Variants in MYLK2 observed in about 807,000 individuals in gnomAD.
MYLK2 encodes the protein myosin light chain kinase 2.
Under a neutral mutation model 58.2 loss-of-function variants are expected in MYLK2, and 27 were observed. The observed-to-expected ratio is 0.46, with a 90% CI of 0.34 to 0.64. MYLK2 has a LOEUF of 0.64. MYLK2 is among the 30% of genes least tolerant of loss of function. MYLK2 has a pLI of 0.01. For synonymous variants in MYLK2, 310 were observed against 296.7 expected, an observed-to-expected ratio of 1.04 and a Z score of -0.46; for missense variants, 676 against 764.3, an observed-to-expected ratio of 0.88 and a Z score of 1.36.
At position 31,824,212 on chromosome 20, in the gene MYLK2, C is replaced by A. The variant is rs371731992; in HGVS notation, c.879-47C>A. The stretch of plus-strand genomic sequence containing the variant: ...ATCAGAGCAAAGGATGCCACTGACC[C>A]CGGTGGGCTCTGGGGTCCCCTCACT... On this transcript the variant is annotated intron_variant, in intron 5 of 12. Coordinates refer to ENST00000375985, the MANE Select transcript of MYLK2 (RefSeq NM_033118.4). 31 of 1,594,110 alleles carry A rather than the reference C, an allele frequency of 1.9e-5. No individual in the cohort carries two copies. In the African/African-American group the frequency reaches 4.0e-4, roughly 21 times the overall value.
chr20:31,819,681 T>G (rs1213616317), intron 2 of MYLK2, 49 bp downstream of exon 2: 2 of 1,548,242 alleles, frequency 1.3e-6, no homozygotes. Context: ...GAAGGGGGGT[T>G]TTGAATCCAG....
chr20:31,820,182 G>A lies in MYLK2; in HGVS notation c.109G>A (p.Gly37Ser). 6.2e-7 allele frequency: 1 copy of A among 1,614,004 alleles called. No individual in the cohort carries two copies. Among genetic ancestry groups the A allele is most frequent in the Non-Finnish European group, 8.5e-7 (1 of 1,180,022 alleles). Reference protein sequence around the residue: ...ERPLAAGKDPGPPDPKKAPDP... With the variant: ...ERPLAAGKDPSPPDPKKAPDP... ...ACCCCTGGCTGCAGGGAAAGACCCT[G>A]GCCCCCCAGACCCAAAGAAAGCTCC... The change falls in exon 3 of 13, where the codon GGC becomes AGC. Residue 37 changes from glycine (G) to serine (S), a missense_variant. By Grantham distance (56) the Gly-to-Ser change is moderately conservative (BLOSUM62 0). This residue lies in a region of MYLK2 where 306 missense variants were observed against 296.5 expected (regional missense o/e 1.03). Transcript: ENST00000375985.
chr20:31,827,080 T>C, intron 8 of MYLK2, 142 bp downstream of exon 8: 1 of 1,494,532 alleles, frequency 6.7e-7, no homozygotes, highest in Non-Finnish European at 8.9e-7. Context: ...TCAGAAAGGG[T>C]TTATGGAATA....
Position 31,820,437 on chromosome 20 carries a change from G to C in MYLK2, c.364G>C (p.Asp122His), listed in dbSNP as rs748134754. ...TGAGCAGGGAGCCTCAGGCAGCCAG[G>C]ATCCTGGAAAGCCCAGGGTGGGCAA... ...KAEQGASGSQ[D>H]PGKPRVGKKA... The change falls in exon 3 of 13, where the codon GAT becomes CAT. Residue 122 changes from aspartate (D) to histidine (H), a missense_variant. Asp to His is a moderately conservative substitution (Grantham distance 81). This residue lies in a region of MYLK2 where 306 missense variants were observed against 296.5 expected (regional missense o/e 1.03). Transcript: ENST00000375985. 15 of 1,612,680 alleles carry C rather than the reference G, an allele frequency of 9.3e-6. No individual in the cohort carries two copies. The highest frequency in any genetic ancestry group is 1.1e-5 in the Non-Finnish European group (13 of 1,179,976).
chr20:31,819,762 A>G, intron 2 of MYLK2, 130 bp downstream of exon 2: 2 of 1,142,380 alleles, frequency 1.8e-6, no homozygotes, highest in East Asian at 2.6e-5. Context: ...GGACCCAGAA[A>G]TCAGAGGAAT....
intron 7 of MYLK2, 36 bp downstream of exon 7, chr20:31,826,750 G>T: frequency 2.5e-6 from 4 of 1,614,034 alleles, no homozygotes; most frequent in Non-Finnish European, 3.4e-6. Flanking sequence ...GCTGGGTGGG[G>T]GTACCACCAG....
In MYLK2 at chr20:31,831,826, T is replaced by C; in HGVS notation, c.1548T>C (p.Phe516=). The stretch of plus-strand genomic sequence containing the variant: ...CCGTATCAGACGAGGCCAAAGACTT[T>C]GTCTCCAACCTCATCGTCAAGGACC... ...FEAVSDEAKD[F]VSNLIVKDQR... Residue 516 remains phenylalanine (F), a synonymous_variant, in exon 11 of 13, where the codon TTT becomes TTC. Coordinates refer to ENST00000375985, the MANE Select transcript of MYLK2 (RefSeq NM_033118.4). The C allele has an allele frequency of 6.2e-7, 1 of 1,614,150 alleles. No individual in the cohort carries two copies. The highest frequency in any genetic ancestry group is 2.2e-5 in the East Asian group (1 of 44,882).
Position 31,821,424 on chromosome 20 carries a change from G to A in MYLK2, c.474-15G>A. On this transcript the variant is annotated splice_polypyrimidine_tract_variant and intron_variant, in intron 3 of 12. Transcript: ENST00000375985. ...TGGCCGCTGAGGGCTTCACCTCTGT[G>A]TTCTCACCTTCTAGTTCTGAGAAGC... 1 of 1,612,768 alleles carries A rather than the reference G, an allele frequency of 6.2e-7. No individual in the cohort carries two copies.
intron 10 of MYLK2, 137 bp from the exon 11 acceptor site, chr20:31,831,566 T>G (rs2062306519): frequency 1.0e-6 from 1 of 960,834 alleles, no homozygotes; most frequent in African/African-American, 1.6e-5. Flanking sequence ...CAAACCCAGG[T>G]CTGTCCCACG....
chr20:31,824,616 A>C, intron 6 of MYLK2: 4 of 963,014 alleles, frequency 4.2e-6, no homozygotes, highest in Non-Finnish European at 4.9e-6. Context: ...CCTCTGGTTC[A>C]ATTCAACAAA....
At chr20:31,827,221 T>C (rs1165484916) in intron 8 of MYLK2, 1 of 985,260 alleles carries the variant, frequency 1.0e-6, no homozygotes, top group Non-Finnish European at 1.2e-6. Flanking sequence ...TTTGCAGTCC[T>C]GTGAGCCCCA....
In MYLK2 at chr20:31,819,649, G is replaced by A; in HGVS notation, c.52+17G>A. On this transcript the variant is annotated intron_variant, in intron 2 of 12. Coordinates refer to ENST00000375985, the MANE Select transcript of MYLK2 (RefSeq NM_033118.4). Reference sequence around the variant, plus strand: ...CATCAACAGGTGCCAAGCTGGGGCAGGAGATGGAGGGAGGAGCTTGGGAAG... The same window carrying A: ...CATCAACAGGTGCCAAGCTGGGGCAAGAGATGGAGGGAGGAGCTTGGGAAG... The A allele has an allele frequency of 1.3e-6, 2 of 1,551,520 alleles. No individual in the cohort carries two copies. The highest frequency in any genetic ancestry group is 1.2e-5 in the South Asian group (1 of 84,062).
intron 6 of MYLK2, chr20:31,824,627 C>A: frequency 1.1e-6 from 1 of 939,556 alleles, no homozygotes; most frequent in Non-Finnish European, 1.3e-6. Context: ...ATTCAACAAA[C>A]ACTGATGAGT....
At position 31,820,215 on chromosome 20, in the gene MYLK2, C is replaced by A; in HGVS notation, c.142C>A (p.Pro48Thr). Residue 48 changes from proline (P) to threonine (T), a missense_variant, in exon 3 of 13, where the codon CCC (proline) becomes ACC (threonine). Pro to Thr is a conservative substitution (Grantham distance 38, BLOSUM62 -1). This residue lies in a region of MYLK2 where 306 missense variants were observed against 296.5 expected (regional missense o/e 1.03). Transcript: ENST00000375985. ...AGACCCAAAGAAAGCTCCGGATCCA[C>A]CCACCCTGAAGAAAGATGCCAAAGC... ...PPDPKKAPDP[P>T]TLKKDAKAPA... 6.2e-7 allele frequency: 1 copy of A among 1,613,990 alleles called. No homozygotes were observed. The highest frequency in any genetic ancestry group is 8.5e-7 in the Non-Finnish European group (1 of 1,180,026).
intron 8 of MYLK2, 149 bp from the exon 9 acceptor site, chr20:31,830,670 A>G: frequency 1.2e-6 from 1 of 846,824 alleles, no homozygotes; most frequent in Non-Finnish European, 2.1e-6. Flanking sequence ...CTCTGTGCCC[A>G]GAGCAGGCAG....
rs794729066 is a variant in MYLK2 at position 31,820,383 on chromosome 20, C to T, written c.310C>T (p.Pro104Ser). 10 of 1,612,662 alleles carry T rather than the reference C, an allele frequency of 6.2e-6. No individual in the cohort carries two copies. Among genetic ancestry groups the T allele is most frequent in the African/African-American group, 1.3e-5 (1 of 74,932 alleles). The part of the protein sequence containing the change: ...PAALPQQTAT[P>S]ETSVKKPKAE... ...AGCCCTGCCCCAGCAGACTGCGACA[C>T]CTGAGACCAGCGTCAAGAAGCCCAA... Residue 104 changes from proline to serine, a missense_variant, in exon 3 of 13, where the codon CCT (proline) becomes TCT (serine). This residue lies in a region of MYLK2 where 306 missense variants were observed against 296.5 expected (regional missense o/e 1.03). Transcript: ENST00000375985.
At chr20:31,827,208 C>T (rs2062285432) in intron 8 of MYLK2, 14 of 985,158 alleles carry the variant, frequency 1.4e-5, no homozygotes, top group African/African-American at 1.7e-5. Flanking sequence ...GTTGAAAGGG[C>T]CTTTTGCAGT....
At chr20:31,826,407 A>G (rs540557158) in intron 6 of MYLK2, among the ~76,000 whole-genome samples, 198 bp from the exon 7 acceptor site, 2 of 151,606 alleles carry the variant, frequency 1.3e-5, no homozygotes, top group Admixed American at 6.6e-5. Context: ...AGCCGGCAAA[A>G]GGAAGATGTC....
intron 3 of MYLK2, among the ~76,000 whole-genome samples, 172 bp downstream of exon 3, chr20:31,820,718 A>G (rs1357897342): frequency 6.6e-6 from 1 of 152,226 alleles, no homozygotes; most frequent in Non-Finnish European, 1.5e-5. Context: ...TGTCCCCTGC[A>G]GAAACCAGAA....
Sources: gnomAD v4.1 joint callset for allele counts (sites outside exome capture counted in the v4.1 genomes callset) on GRCh38, gnomAD v4.1.1 for gene constraint, gnomAD v4.1.1 regional missense constraint, MANE v1.5 for transcripts, NCBI Gene and HGNC (gene_info 2026-07-23, HGNC 2026-07-21) for gene names.